Variants in PCDHA1 observed in about 807,000 individuals in gnomAD.
PCDHA1 encodes the protein protocadherin alpha 1.
Under a neutral mutation model 61.3 loss-of-function variants are expected in PCDHA1, and 42 were observed. The ratio of observed to expected loss-of-function variants is 0.69; its 90% confidence interval spans 0.54 to 0.89. PCDHA1 has a LOEUF of 0.89. Among genes scored for constraint, PCDHA1 ranks in the 40% least tolerant of loss-of-function variants. The pLI is 0.00. For missense variants in PCDHA1, 1,256 were observed against 1,235.3 expected (o/e 1.02, Z -0.25); for synonymous variants, 610 against 553.8 (o/e 1.10, Z -1.43).
intron 1 of PCDHA1, 34 bp from the exon 2 acceptor site, chr5:140,978,915 A>G: frequency 6.2e-7 from 1 of 1,613,970 alleles, no homozygotes; most frequent in Non-Finnish European, 8.5e-7. Context: ...TTGTCTTGTC[A>G]TTTTAACAGA....
chr5:140,833,091 C>T (rs2150206226), intron 1 of PCDHA1, among the ~76,000 whole-genome samples: 72,266 of 151,896 alleles, frequency 0.48, 17,794 homozygotes, highest in Middle Eastern at 0.61. Flanking sequence ...GAGTACTAGA[C>T]GAGTAATTTT....
Position 141,011,328 on chromosome 5 carries a change from A to G in PCDHA1, c.*1391A>G, listed in dbSNP as rs1554263430. 2 of 153,726 alleles carry G rather than the reference A, an allele frequency of 1.3e-5. No homozygotes were observed. Among genetic ancestry groups the G allele is most frequent in the Admixed American group, 1.3e-4 (2 of 15,268 alleles). 9.5% of individuals were successfully genotyped at this position (153,726 alleles called of 1,614,324 possible). On this transcript the variant is annotated 3_prime_UTR_variant, in exon 4 of 4. Transcript: ENST00000504120. Reference sequence around the variant, plus strand: ...ATTGCTAATCTTACTAACACCTATGATGTTACCTGAAATCAATCTCCCATA... The same window carrying G: ...ATTGCTAATCTTACTAACACCTATGGTGTTACCTGAAATCAATCTCCCATA...
At chr5:140,882,658 G>T in intron 1 of PCDHA1, 4 of 1,614,148 alleles carry the variant, frequency 2.5e-6, no homozygotes, top group South Asian at 1.1e-5. Flanking sequence ...ACGACAACCC[G>T]CCCATATTCC....
chr5:140,796,238 T>C, intron 1 of PCDHA1: 1 of 1,614,164 alleles, frequency 6.2e-7, no homozygotes, highest in Middle Eastern at 1.7e-4. Flanking sequence ...GAGCTGGTGG[T>C]GACCGCACGG....
intron 3 of PCDHA1, among the ~76,000 whole-genome samples, chr5:140,997,525 A>G (rs1293979369): frequency 6.6e-6 from 1 of 152,242 alleles, no homozygotes; most frequent in African/African-American, 2.4e-5. Flanking sequence ...AAAAAGTACA[A>G]TAAAAATACA....
At chr5:140,917,259 T>C (rs1246984274) in intron 1 of PCDHA1, among the ~76,000 whole-genome samples, 2 of 151,338 alleles carry the variant, frequency 1.3e-5, no homozygotes, top group East Asian at 3.9e-4. Flanking sequence ...GCTCACCTGA[T>C]GTTTGGTTTT....
rs2150130231 is a variant in PCDHA1, at chr5:140,823,910, T to G, written c.2394+35226T>G. On this transcript the variant is annotated intron_variant, in intron 1 of 3. Coordinates refer to ENST00000504120, the MANE Select transcript of PCDHA1 (RefSeq NM_018900.4). Reference sequence around the variant, plus strand: ...TGTGCGGTGTCCAGCCTGCTGGTGCTCACGCTGCTGCTGTACACCGCGCTG... The same window carrying G: ...TGTGCGGTGTCCAGCCTGCTGGTGCGCACGCTGCTGCTGTACACCGCGCTG... The G allele has an allele frequency of 2.2e-4, 363 of 1,613,972 alleles. No individual in the cohort carries two copies. The African/African-American group carries it at 4.2e-3, about 19-fold the overall frequency.
Position 140,857,427 on chromosome 5 carries a change from C to A in PCDHA1, c.2394+68743C>A, listed in dbSNP as rs781871079. 21 of 1,598,334 alleles carry A rather than the reference C, an allele frequency of 1.3e-5. 1 individual carries two copies. The highest frequency in any genetic ancestry group is 4.4e-5 in the South Asian group (4 of 90,554). On this transcript the variant is annotated intron_variant, in intron 1 of 3. Transcript: ENST00000504120. ...CCTGCGTTCGCGCAGTCCGAGTACACGGTGTTCGTGAAGGAGAACAACCCG... is the reference window on the plus strand; with the variant it reads ...CCTGCGTTCGCGCAGTCCGAGTACAAGGTGTTCGTGAAGGAGAACAACCCG...
chr5:140,942,617 TG>T (rs1223896117), intron 1 of PCDHA1, among the ~76,000 whole-genome samples: 4 of 100,138 alleles, frequency 4.0e-5, no homozygotes, highest in Admixed American at 9.6e-5. Flanking sequence ...ATTTGCCAAT[TG>T]TAAAAAAAAA....
At chr5:140,803,186 C>T (rs1395786407) in intron 1 of PCDHA1, 5 of 1,613,840 alleles carry the variant, frequency 3.1e-6, no homozygotes, top group African/African-American at 2.7e-5. Flanking sequence ...CCGCCACGGC[C>T]ACTGTGCTGG....
intron 1 of PCDHA1, chr5:140,929,861 G>C (rs2086430114): frequency 6.5e-6 from 1 of 153,628 alleles, no homozygotes; most frequent in Admixed American, 6.5e-5. Context: ...AGTCAGAGAA[G>C]GCTTTGTGAT....
intron 1 of PCDHA1, among the ~76,000 whole-genome samples, chr5:140,920,661 T>C (rs1301918138): frequency 3.9e-5 from 6 of 152,042 alleles, no homozygotes; most frequent in African/African-American, 1.4e-4. Flanking sequence ...CTTGCCAACA[T>C]GGTGAAACCC....
At chr5:141,004,564 T>C (rs1205705593) in intron 3 of PCDHA1, among the ~76,000 whole-genome samples, 1 of 152,196 alleles carries the variant, frequency 6.6e-6, no homozygotes, top group Non-Finnish European at 1.5e-5. Flanking sequence ...AAGATGAACA[T>C]ATCTCTGTGT....
intron 1 of PCDHA1, chr5:140,859,327 AAAT>A (rs2045812871): frequency 7.8e-6 from 1 of 128,784 alleles, no homozygotes; most frequent in Non-Finnish European, 1.8e-5. Flanking sequence ...TTTGAGGAGA[AAAT>A]AAAATTAATG....
At chr5:140,891,128 C>G (rs1554184692) in intron 1 of PCDHA1, among the ~76,000 whole-genome samples, 1 of 152,100 alleles carries the variant, frequency 6.6e-6, no homozygotes, top group Non-Finnish European at 1.5e-5. Flanking sequence ...AAATGTCATT[C>G]CTTTAAAGGT....
chr5:140,787,617 G>A lies in PCDHA1; in HGVS notation c.1327G>A (p.Val443Met), dbSNP rs1761386834. The A allele has an allele frequency of 3.1e-6, 5 of 1,614,120 alleles. No individual in the cohort carries two copies. The highest frequency in any genetic ancestry group is 1.7e-4 in the Middle Eastern group (1 of 6,034). ...GCTGTGGGCCACGGCCAGGGTGTCC[G>A]TGGAGGTGGCCGACGTGAATGACAA... Reference protein sequence around the residue: ...PSLWATARVSVEVADVNDNAP... With the variant: ...PSLWATARVSMEVADVNDNAP... The change falls in exon 1 of 4, where the codon GTG becomes ATG. Residue 443 changes from valine to methionine, a missense_variant. Coordinates refer to ENST00000504120, the MANE Select transcript of PCDHA1 (RefSeq NM_018900.4).
rs141789471 is a variant in PCDHA1, at chr5:140,838,199, C to T, written c.2394+49515C>T. Among the ~76,000 whole-genome samples, 332 of 149,502 alleles carry T rather than the reference C, an allele frequency of 2.2e-3. 4 individuals carry two copies. The highest frequency in any genetic ancestry group is 7.4e-3 in the African/African-American group (299 of 40,498). On this transcript the variant is annotated intron_variant, in intron 1 of 3. Transcript: ENST00000504120. Reference sequence around the variant, plus strand: ...TGCAATCTCAGCTCACTGCAAAATCCGCCTCTCTGGTACAAGCAGTTCTCA... The same window carrying T: ...TGCAATCTCAGCTCACTGCAAAATCTGCCTCTCTGGTACAAGCAGTTCTCA...
chr5:140,856,512 G>T lies in PCDHA1; in HGVS notation c.2394+67828G>T, dbSNP rs781905206. On this transcript the variant is annotated intron_variant, in intron 1 of 3. Transcript: ENST00000504120. ...CTTGACTCTCGATTTCCACTAGAAG[G>T]CGCATCTGATGCGGATGTTGGAGAG... 1.9e-6 allele frequency: 3 copies of T among 1,598,396 alleles called. No individual in the cohort carries two copies. The South Asian group carries it at 3.3e-5, about 18-fold the overall frequency.
At position 140,786,678 on chromosome 5, in the gene PCDHA1, C is replaced by A. The variant is rs782332750; in HGVS notation, c.388C>A (p.Pro130Thr). The A allele has an allele frequency of 4.3e-6, 7 of 1,614,114 alleles. No homozygotes were observed. Among genetic ancestry groups the A allele is most frequent in the Non-Finnish European group, 5.9e-6 (7 of 1,180,052 alleles). The change falls in exon 1 of 4, where the codon CCA (proline) becomes ACA (threonine). Residue 130 changes from proline to threonine, a missense_variant. Pro to Thr is a conservative substitution (Grantham distance 38). Coordinates refer to ENST00000504120, the MANE Select transcript of PCDHA1 (RefSeq NM_018900.4). ...GAAGGTGAAAGACATTAACGATAAT[C>A]CACCCGTCTTCAGGGGCAGAGAACA... ...EVKVKDINDNPPVFRGREQII... is the reference protein window; with the variant it reads ...EVKVKDINDNTPVFRGREQII...
Sources: gnomAD v4.1 joint callset for allele counts (sites outside exome capture counted in the v4.1 genomes callset) on GRCh38, gnomAD v4.1.1 for gene constraint, MANE v1.5 for transcripts, NCBI Gene and HGNC (gene_info 2026-07-23, HGNC 2026-07-21) for gene names.